IQCM: variants seen among roughly 807,000 people sequenced by gnomAD.
IQCM encodes the protein IQ domain-containing protein M.
Under a neutral mutation model 57.6 loss-of-function variants are expected in IQCM, and 45 were observed. The observed-to-expected ratio is 0.78, with a 90% CI of 0.62 to 1.00. The LOEUF (loss-of-function observed/expected upper bound fraction) is 1.00. Ranked by LOEUF, IQCM falls within the 50% of genes least tolerant of loss-of-function variation. The pLI, the probability that IQCM is intolerant of heterozygous loss-of-function variation, is 0.00. For missense variants in IQCM, 468 were observed against 511.6 expected (o/e 0.91, Z 0.82); for synonymous variants, 148 against 158.9 (o/e 0.93, Z 0.51).
At chr4:149,486,448 A>T (rs769377003) in intron 12 of IQCM, among the ~76,000 whole-genome samples, 12 of 152,060 alleles carry the variant, frequency 7.9e-5, no homozygotes, top group Non-Finnish European at 1.5e-4. Context: ...GGTTCTGTTC[A>T]CTTAAAGCCC....
intron 13 of IQCM, among the ~76,000 whole-genome samples, chr4:149,358,815 G>A: frequency 1.2e-5 from 1 of 81,992 alleles, no homozygotes; most frequent in Admixed American, 1.1e-4. Flanking sequence ...CCACCCAAAA[G>A]AGGGAGTGTA....
Position 149,481,701 on chromosome 4 carries a change from G to GTTTTTTTTTTTTGTTTTTTTT in IQCM, c.1229-48145_1229-48144insAAAAAAAACAAAAAAAAAAAA, listed in dbSNP as rs751057249. Among the ~76,000 whole-genome samples, 5 of 51,578 alleles carry GTTTTTTTTTTTTGTTTTTTTT rather than the reference G, an allele frequency of 9.7e-5. 1 individual carries two copies. The highest frequency in any genetic ancestry group is 1.5e-4 in the African/African-American group (2 of 13,230). The allele number at this position is 51,578 out of a possible 152,430, so 33.8% of individuals were successfully genotyped here. A position where few individuals can be genotyped will look rare whatever the true frequency, so the allele number is the denominator to read the frequency against. ...CATGTAATGTGATTCTTCCAGTTTT[G>GTTTTTTTTTTTTGTTTTTTTT]TTTTTTTTTTTTTTTTTTTTTGCTT... On this transcript the variant is annotated intron_variant, in intron 12 of 13. Coordinates refer to ENST00000636793, the MANE Select transcript of IQCM (RefSeq NM_001363507.2).
chr4:149,572,709 T>C (rs564593900), intron 9 of IQCM, among the ~76,000 whole-genome samples: 1 of 151,914 alleles, frequency 6.6e-6, no homozygotes, highest in African/African-American at 2.4e-5. Context: ...TTTGTTGTGA[T>C]TAGTTAAAAC....
At chr4:149,422,066 A>G (rs2111221732) in intron 13 of IQCM, among the ~76,000 whole-genome samples, 1 of 152,090 alleles carries the variant, frequency 6.6e-6, no homozygotes, top group South Asian at 2.1e-4. Flanking sequence ...TTGTGAAAAC[A>G]TCTTCACTTC....
At chr4:149,441,199 G>T (rs1475652225) in intron 12 of IQCM, among the ~76,000 whole-genome samples, 2 of 152,052 alleles carry the variant, frequency 1.3e-5, no homozygotes, top group South Asian at 4.1e-4. Context: ...ATGTATAACA[G>T]AAACAATAAA....
At chr4:149,587,145 T>C (rs765502418) in intron 9 of IQCM, among the ~76,000 whole-genome samples, 20 of 151,710 alleles carry the variant, frequency 1.3e-4, no homozygotes, top group Non-Finnish European at 2.7e-4. Flanking sequence ...ACACTGAGGT[T>C]TTCTGCCTAA....
intron 5 of IQCM, among the ~76,000 whole-genome samples, chr4:149,700,695 C>G (rs570094543): frequency 6.6e-6 from 1 of 151,972 alleles, no homozygotes. Flanking sequence ...GCTGCCTGAC[C>G]GCTTGCCTTG....
At chr4:149,684,397 T>A (rs1401738536) in intron 6 of IQCM, among the ~76,000 whole-genome samples, 1 of 151,344 alleles carries the variant, frequency 6.6e-6, no homozygotes, top group South Asian at 2.1e-4. Flanking sequence ...ATCCCAAAAG[T>A]ATTAGAGTCA....
intron 12 of IQCM, among the ~76,000 whole-genome samples, chr4:149,485,377 G>A (rs28836575): frequency 0.01 from 1,578 of 151,720 alleles, 31 homozygotes; most frequent in African/African-American, 0.036. Context: ...TCTACATCTC[G>A]TAGGTATGCT....
At chr4:149,660,628 TA>T (rs1351655981) in intron 7 of IQCM, among the ~76,000 whole-genome samples, 1 of 152,112 alleles carries the variant, frequency 6.6e-6, no homozygotes, top group African/African-American at 2.4e-5. Context: ...GTGGCACATA[TA>T]CACCATGGAA....
intron 13 of IQCM, among the ~76,000 whole-genome samples, chr4:149,386,652 C>T (rs1731448119): frequency 6.6e-6 from 1 of 152,008 alleles, no homozygotes; most frequent in Admixed American, 6.6e-5. Flanking sequence ...GAATCAGGAT[C>T]CAAACAAGGT....
chr4:149,759,095 G>T (rs2149957644), intron 2 of IQCM, among the ~76,000 whole-genome samples: 1 of 152,232 alleles, frequency 6.6e-6, no homozygotes, highest in South Asian at 2.1e-4. Flanking sequence ...AAATAAATGA[G>T]CTATCCAGCC....
chr4:149,742,884 C>A, intron 2 of IQCM, 145 bp from the exon 3 acceptor site: 1 of 392,104 alleles, frequency 2.6e-6, no homozygotes, highest in Non-Finnish European at 4.5e-6. Context: ...ATGCCTTCCC[C>A]TCCAAAACAC....
intron 12 of IQCM, among the ~76,000 whole-genome samples, chr4:149,532,090 G>A (rs1277879453): frequency 1.3e-5 from 2 of 151,922 alleles, no homozygotes; most frequent in Non-Finnish European, 2.9e-5. Flanking sequence ...GGTGACTCAT[G>A]CTTGGCCGGC....
intron 5 of IQCM, among the ~76,000 whole-genome samples, chr4:149,732,708 G>T (rs1041204363): frequency 6.6e-6 from 1 of 152,138 alleles, no homozygotes; most frequent in Non-Finnish European, 1.5e-5. Flanking sequence ...ATTATAAGCA[G>T]TCATGTATTC....
intron 5 of IQCM, among the ~76,000 whole-genome samples, chr4:149,732,649 G>A (rs142890926): frequency 1.3e-3 from 203 of 152,104 alleles, no homozygotes; most frequent in Non-Finnish European, 2.4e-3. Flanking sequence ...TAGAAATAAC[G>A]TAAGAGGAAA....
chr4:149,369,064 A>G (rs1730182056), intron 13 of IQCM, among the ~76,000 whole-genome samples: 1 of 125,644 alleles, frequency 8.0e-6, no homozygotes, highest in Non-Finnish European at 1.6e-5. Context: ...TTTTTTTTTG[A>G]GATGGAGTCT....
rs962860157 is a variant in IQCM, at chr4:149,553,295, G to C, written c.949-8C>G. 8.1e-6 allele frequency: 10 copies of C among 1,231,546 alleles called. No individual in the cohort carries two copies. In the Admixed American group the frequency reaches 1.3e-4, roughly 16 times the overall value. The allele number at this position is 1,231,546 out of a possible 1,614,324, so 76.3% of individuals were successfully genotyped here. A position where few individuals can be genotyped will look rare whatever the true frequency, so the allele number is the denominator to read the frequency against. On this transcript the variant is annotated splice_region_variant and splice_polypyrimidine_tract_variant and intron_variant, in intron 10 of 13. Transcript: ENST00000636793. ...TGGTCCATGATCCAAAGCCTACAAA[G>C]ACAGAAAAGCTCCTTATATATTTCT...
intron 13 of IQCM, among the ~76,000 whole-genome samples, chr4:149,352,545 A>G (rs1288606696): frequency 2.0e-5 from 3 of 152,226 alleles, no homozygotes; most frequent in African/African-American, 7.2e-5. Context: ...AGATGGGTAT[A>G]CATTATATGC....
Sources: gnomAD v4.1 joint callset for allele counts (sites outside exome capture counted in the v4.1 genomes callset) on GRCh38, gnomAD v4.1.1 for gene constraint, MANE v1.5 for transcripts, NCBI Gene and HGNC (gene_info 2026-07-23, HGNC 2026-07-21) for gene names.